CHD2: variants seen among roughly 807,000 people sequenced by gnomAD.
CHD2 encodes ATP-dependent chromatin remodeler CHD2.
A neutral mutation model predicts 243.9 loss-of-function variants in CHD2; 28 were observed. The observed-to-expected ratio is 0.11, with a 90% CI of 0.09 to 0.16. The LOEUF is 0.16. Ranked by LOEUF, CHD2 falls within the 10% of genes least tolerant of loss-of-function variation. The probability of loss-of-function intolerance (pLI) is 1.00; values close to 1 mark genes in which losing one functional copy is unlikely to be tolerated. For synonymous variants in CHD2, 775 were observed against 779.0 expected, an observed-to-expected ratio of 0.99 and a Z score of 0.09; for missense variants, 1,386 against 2,209.8, an observed-to-expected ratio of 0.63 and a Z score of 7.47.
chr15:92,925,968 T>C (rs1186350607), intron 3 of CHD2, among the ~76,000 whole-genome samples: 2 of 152,216 alleles, frequency 1.3e-5, no homozygotes, highest in African/African-American at 4.8e-5. Flanking sequence ...AGTGACATTG[T>C]TGGATCATTT....
chr15:92,963,313 T>A (rs2053713987), intron 16 of CHD2, among the ~76,000 whole-genome samples: 1 of 152,194 alleles, frequency 6.6e-6, no homozygotes, highest in Admixed American at 6.5e-5. Flanking sequence ...TCATTTTAAT[T>A]CCTGTTAATT....
At chr15:93,011,287 A>G (rs2054391180) in intron 35 of CHD2, among the ~76,000 whole-genome samples, 1 of 152,164 alleles carries the variant, frequency 6.6e-6, no homozygotes, top group Non-Finnish European at 1.5e-5. Flanking sequence ...GCCCAGATAG[A>G]GTGGAAGTGT....
At chr15:92,931,707 T>G (rs1231588295) in intron 5 of CHD2, among the ~76,000 whole-genome samples, 1 of 152,148 alleles carries the variant, frequency 6.6e-6, no homozygotes, top group Non-Finnish European at 1.5e-5. Context: ...AAACATAATG[T>G]TTTTTATGAA....
rs12905033 is a variant in CHD2, at chr15:93,024,298, C to T, written c.5154-74C>T. ...TGAATATGAGTATATGAGGAAGAGC[C>T]AAGTGGGTAGTGAAGAGAAGTGGAT... On this transcript the variant is annotated intron_variant, in intron 38 of 38. Coordinates refer to ENST00000394196, the MANE Select transcript of CHD2 (RefSeq NM_001271.4). 293,103 of 1,339,842 alleles carry T rather than the reference C, an allele frequency of 0.22. 36,815 individuals carry two copies. Among genetic ancestry groups the T allele is most frequent in the Non-Finnish European group, 0.26 (249,238 of 960,470 alleles). 83.0% of individuals were successfully genotyped at this position (1,339,842 alleles called of 1,614,324 possible). A position where few individuals can be genotyped will look rare whatever the true frequency, so the allele number is the denominator to read the frequency against.
chr15:92,979,323 T>C, intron 22 of CHD2, 40 bp downstream of exon 22: 1 of 1,603,912 alleles, frequency 6.2e-7, no homozygotes, highest in South Asian at 1.1e-5. Context: ...AGAATCAAAT[T>C]GATTCTACAT....
chr15:92,956,226 C>T (rs1467279347), intron 15 of CHD2, among the ~76,000 whole-genome samples: 3 of 152,068 alleles, frequency 2.0e-5, no homozygotes, highest in Non-Finnish European at 4.4e-5. Flanking sequence ...GCAGTAATAG[C>T]TGGTATAAGA....
intron 16 of CHD2, among the ~76,000 whole-genome samples, chr15:92,961,647 A>G (rs2053689147): frequency 6.6e-6 from 1 of 152,044 alleles, no homozygotes; most frequent in African/African-American, 2.4e-5. Context: ...TCTGGGCTCA[A>G]GTGATCCTCC....
chr15:92,927,097 A>G (rs576252851), intron 3 of CHD2, 147 bp from the exon 4 acceptor site: 15 of 608,336 alleles, frequency 2.5e-5, no homozygotes, highest in Middle Eastern at 2.7e-4. Context: ...TTTAAAAAAA[A>G]TGGCGCTTTA....
At position 92,979,418 on chromosome 15, in the gene CHD2, A is replaced by G. The variant is rs560586212; in HGVS notation, c.2876+135A>G. The G allele has an allele frequency of 6.5e-5, 70 of 1,081,282 alleles. 1 individual carries two copies. The South Asian group carries it at 1.2e-3, about 18-fold the overall frequency. 67.0% of individuals were successfully genotyped at this position (1,081,282 alleles called of 1,614,324 possible). ...ATGCCAGGCCAGAACCACAAATAGG[A>G]TAGCATTTTCACTTTGAGTTTCTTG... On this transcript the variant is annotated intron_variant, in intron 22 of 38. Coordinates refer to ENST00000394196, the MANE Select transcript of CHD2 (RefSeq NM_001271.4).
chr15:92,950,373 C>T (rs1010841078), intron 13 of CHD2: 24 of 152,146 alleles, frequency 1.6e-4, no homozygotes, highest in African/African-American at 3.1e-4. Flanking sequence ...CATTAGTCCT[C>T]GAGAATTTAA....
At chr15:93,019,947 ATTGT>A in intron 37 of CHD2, 61 bp from the exon 38 acceptor site, 4 of 1,547,456 alleles carry the variant, frequency 2.6e-6, no homozygotes, top group Non-Finnish European at 3.5e-6. Context: ...AAAAAAAAAA[ATTGT>A]AGTGAAAGTG....
rs967533762 is a variant in CHD2 at position 92,992,792 on chromosome 15, C to T, written c.3456-67C>T. ...GAGAAGATTATGTGAGGCCTAGTGG[C>T]ATCTCATGACACTTAAGAAGAGTGG... On this transcript the variant is annotated intron_variant, in intron 27 of 38. Transcript: ENST00000394196. 5.1e-6 allele frequency: 8 copies of T among 1,576,958 alleles called. No homozygotes were observed. The African/African-American group carries it at 1.1e-4, about 21-fold the overall frequency.
At chr15:93,002,952 T>A (rs778454257) in intron 33 of CHD2, among the ~76,000 whole-genome samples, 4 of 152,238 alleles carry the variant, frequency 2.6e-5, no homozygotes, top group Non-Finnish European at 4.4e-5. Context: ...AAATTTTATA[T>A]TAAATATAAA....
intron 17 of CHD2, 83 bp downstream of exon 17, chr15:92,967,596 T>C (rs1435082777): frequency 2.1e-6 from 2 of 970,464 alleles, no homozygotes; most frequent in South Asian, 3.1e-5. Flanking sequence ...ATATATACTT[T>C]TGTTTTTTTT....
chr15:92,968,301 C>T (rs528749381), intron 17 of CHD2, among the ~76,000 whole-genome samples: 2 of 152,172 alleles, frequency 1.3e-5, no homozygotes, highest in South Asian at 2.1e-4. Context: ...GCAGGAGGAT[C>T]GCTTGAGCCC....
intron 33 of CHD2, among the ~76,000 whole-genome samples, chr15:93,002,865 A>G (rs2054274736): frequency 6.6e-6 from 1 of 152,238 alleles, no homozygotes; most frequent in Admixed American, 6.5e-5. Context: ...CAAAACACAA[A>G]CAACTGCTGT....
At chr15:92,972,115 A>G in intron 18 of CHD2, 150 bp from the exon 19 acceptor site, 1 of 1,023,830 alleles carries the variant, frequency 9.8e-7, no homozygotes. Flanking sequence ...GATACTGGGA[A>G]AAAGAACATT....
At chr15:92,977,280 G>A (rs956774974) in intron 20 of CHD2, among the ~76,000 whole-genome samples, 2 of 152,140 alleles carry the variant, frequency 1.3e-5, no homozygotes, top group Admixed American at 6.5e-5. Flanking sequence ...TAAAATTCTT[G>A]TGAAGCAGCT....
At chr15:92,948,917 GA>G (rs2053514711) in intron 12 of CHD2, 34 bp from the exon 13 acceptor site, 1 of 1,599,222 alleles carries the variant, frequency 6.3e-7, no homozygotes, top group Non-Finnish European at 8.5e-7. Context: ...GTAGCAGTAA[GA>G]ACATTTTCTC....
Sources: allele counts gnomAD v4.1 joint callset (sites outside exome capture counted in the v4.1 genomes callset), GRCh38; gene constraint gnomAD v4.1.1; transcripts MANE v1.5; gene names NCBI Gene and HGNC (gene_info 2026-07-23, HGNC 2026-07-21).